Variants in SLC26A8 observed in about 807,000 individuals in gnomAD.
SLC26A8 encodes the protein solute carrier family 26 member 8.
SLC26A8 carries 70 observed loss-of-function variants against 105.0 expected under a neutral mutation model. The ratio of observed to expected loss-of-function variants is 0.67; its 90% CI spans 0.55 to 0.81. The LOEUF is 0.81. Among genes scored for constraint, SLC26A8 ranks in the 40% least tolerant of loss-of-function variants. SLC26A8 has a pLI of 0.00. For synonymous variants in SLC26A8, 415 were observed against 438.3 expected (o/e 0.95, Z 0.66); for missense variants, 998 against 1,181.8 (o/e 0.84, Z 2.28).
rs949833636 is a variant in SLC26A8, at chr6:35,962,571, G to T, written c.1416C>A (p.Thr472=). The T allele has an allele frequency of 2.5e-6, 4 of 1,614,016 alleles. No homozygotes were observed. In the African/African-American group the frequency reaches 5.3e-5, roughly 22 times the overall value. Residue 472 remains threonine, a synonymous_variant, in exon 12 of 20, where the codon ACC becomes ACA. Transcript: ENST00000490799. ...ILSNVIPYLE[T]ISNLPSLWRQ... ...TCCACAGGCTGGGTAGGTTAGAAATGGTTTCAAGGTAGGGAATGACGTTGC... is the reference window on the plus strand; with the variant it reads ...TCCACAGGCTGGGTAGGTTAGAAATTGTTTCAAGGTAGGGAATGACGTTGC...
intron 3 of SLC26A8, among the ~76,000 whole-genome samples, chr6:36,001,360 C>T (rs895039461): frequency 2.6e-5 from 4 of 152,128 alleles, no homozygotes; most frequent in Admixed American, 2.6e-4. Flanking sequence ...GATCTCCTGA[C>T]CTCGTGATCC....
intron 3 of SLC26A8, 146 bp downstream of exon 3, chr6:36,012,087 G>T: frequency 8.8e-7 from 1 of 1,142,314 alleles, no homozygotes; most frequent in Non-Finnish European, 1.2e-6. Flanking sequence ...TTAGAAATCT[G>T]GCAGATAAGG....
chr6:35,977,086 T>C (rs912207375), intron 9 of SLC26A8, 118 bp downstream of exon 9: 33 of 1,128,088 alleles, frequency 2.9e-5, no homozygotes, highest in Non-Finnish European at 3.6e-5. Context: ...TTGTGATTAC[T>C]GTCCAAACCA....
intron 19 of SLC26A8, 57 bp downstream of exon 19, chr6:35,951,105 AT>A: frequency 3.7e-6 from 2 of 537,206 alleles, no homozygotes; most frequent in South Asian, 2.2e-5. Context: ...CCCCTCACCC[AT>A]CCCCCCACTG....
At chr6:35,989,926 T>C (rs1234265870) in intron 7 of SLC26A8, 2 of 79,474 alleles carry the variant, frequency 2.5e-5, no homozygotes, top group Admixed American at 1.6e-4. Context: ...TGTTTTCTTT[T>C]CTTTTTTTTT....
intron 7 of SLC26A8, among the ~76,000 whole-genome samples, chr6:35,984,817 G>C (rs892841021): frequency 6.6e-6 from 1 of 152,054 alleles, no homozygotes; most frequent in Non-Finnish European, 1.5e-5. Flanking sequence ...CTTGGCCAAG[G>C]GAATTCCGAA....
intron 11 of SLC26A8, among the ~76,000 whole-genome samples, chr6:35,968,597 G>GTC (rs1772617792): frequency 1.6e-5 from 1 of 60,976 alleles, no homozygotes; most frequent in Non-Finnish European, 3.8e-5. Context: ...GTATGTGTGT[G>GTC]TGTGTGTGTG....
intron 11 of SLC26A8, among the ~76,000 whole-genome samples, chr6:35,967,058 G>C (rs1186210401): frequency 2.0e-5 from 3 of 152,206 alleles, no homozygotes; most frequent in Non-Finnish European, 2.9e-5. Context: ...TAGCAACAAA[G>C]GTGCTGTAGA....
chr6:35,995,294 C>T (rs984284390), intron 5 of SLC26A8, among the ~76,000 whole-genome samples: 3 of 152,144 alleles, frequency 2.0e-5, no homozygotes, highest in Admixed American at 1.3e-4. Context: ...TTCTAGGCAG[C>T]CACTGTTAAT....
chr6:36,009,370 A>G (rs542466422), intron 3 of SLC26A8, among the ~76,000 whole-genome samples: 2 of 152,128 alleles, frequency 1.3e-5, no homozygotes, highest in South Asian at 4.1e-4. Flanking sequence ...AACAACAACA[A>G]CAACAACAAC....
chr6:36,004,796 G>A (rs941915414), intron 3 of SLC26A8, among the ~76,000 whole-genome samples: 1 of 149,576 alleles, frequency 6.7e-6, no homozygotes, highest in South Asian at 2.1e-4. Context: ...GACTACAGGC[G>A]CTTGCACCAC....
chr6:35,979,204 A>G (rs2127327286), intron 8 of SLC26A8, among the ~76,000 whole-genome samples: 2 of 151,750 alleles, frequency 1.3e-5, no homozygotes, highest in East Asian at 3.9e-4. Context: ...AAGGCCGGGC[A>G]CGGTGGCTCA....
chr6:35,960,636 T>G, intron 14 of SLC26A8: 1 of 601,036 alleles, frequency 1.7e-6, no homozygotes, highest in Non-Finnish European at 2.9e-6. Flanking sequence ...ACTGTCCAGC[T>G]TGGGTGACAG....
chr6:35,971,229 C>T (rs1772786728), intron 10 of SLC26A8, among the ~76,000 whole-genome samples: 1 of 152,190 alleles, frequency 6.6e-6, no homozygotes, highest in Non-Finnish European at 1.5e-5. Flanking sequence ...GGAAGATGCT[C>T]GATGGCTCTC....
chr6:35,993,291 G>A (rs1176885092), intron 5 of SLC26A8, among the ~76,000 whole-genome samples: 2 of 150,598 alleles, frequency 1.3e-5, no homozygotes, highest in Non-Finnish European at 2.9e-5. Flanking sequence ...AGGCATGAAC[G>A]CACTGTGCCT....
chr6:35,972,291 G>A (rs370875880), intron 10 of SLC26A8, among the ~76,000 whole-genome samples: 157 of 152,126 alleles, frequency 1.0e-3, no homozygotes, highest in African/African-American at 3.7e-3. Flanking sequence ...CAGCGGGTTG[G>A]CGCACGGTGG....
chr6:36,003,828 A>AT (rs1227016634), intron 3 of SLC26A8, among the ~76,000 whole-genome samples: 4 of 151,300 alleles, frequency 2.6e-5, no homozygotes, highest in Admixed American at 2.6e-4. Context: ...CGCCCAGCTA[A>AT]TTTTTTGTAT....
At position 35,976,619 on chromosome 6, in the gene SLC26A8, C is replaced by G. The variant is rs186717203; in HGVS notation, c.1173+585G>C. Among the ~76,000 whole-genome samples the G allele has an allele frequency of 6.4e-4, 94 of 147,670 alleles. 1 individual carries two copies. The East Asian group carries it at 0.017, about 27-fold the overall frequency. On this transcript the variant is annotated intron_variant, in intron 9 of 19. Transcript: ENST00000490799. The stretch of plus-strand genomic sequence containing the variant: ...GCAGTGGCGCGGTCTCGGCTCGCTG[C>G]AAGTTCCGCCTCCCGGGTTCACGCC...
intron 12 of SLC26A8, among the ~76,000 whole-genome samples, chr6:35,961,839 T>C (rs150012790): frequency 6.6e-6 from 1 of 152,296 alleles, no homozygotes; most frequent in Non-Finnish European, 1.5e-5. Flanking sequence ...CAGAGAGGAG[T>C]GTGCTCCAGC....
Sources: allele counts gnomAD v4.1 joint callset (sites outside exome capture counted in the v4.1 genomes callset), GRCh38; gene constraint gnomAD v4.1.1; transcripts MANE v1.5; gene names NCBI Gene and HGNC (gene_info 2026-07-23, HGNC 2026-07-21).